ARHGAP29: variants seen among roughly 807,000 people sequenced by gnomAD.
ARHGAP29 encodes the protein Rho GTPase activating protein 29.
Under a neutral mutation model 122.6 loss-of-function variants are expected in ARHGAP29, and 43 were observed. The ratio of observed to expected loss-of-function variants is 0.35; its 90% CI spans 0.27 to 0.45. The LOEUF is 0.45. Among genes scored for constraint, ARHGAP29 ranks in the 20% least tolerant of loss-of-function variants. The pLI is 1.00. For missense variants in ARHGAP29, 1,303 were observed against 1,477.2 expected (o/e 0.88, Z 1.93); for synonymous variants, 506 against 497.1 (o/e 1.02, Z -0.24).
rs1206104193 is a variant in ARHGAP29 at position 94,170,638 on chromosome 1, C to T, written c.*3231G>A. 6.6e-6 allele frequency among the ~76,000 whole-genome samples: 1 copy of T among 152,146 alleles called. No individual in the cohort carries two copies. The highest frequency in any genetic ancestry group is 2.4e-5 in the African/African-American group (1 of 41,412). On this transcript the variant is annotated 3_prime_UTR_variant, in exon 23 of 23. Coordinates refer to ENST00000260526, the MANE Select transcript of ARHGAP29 (RefSeq NM_004815.4). ...AATGCCCTTGTCTTAAGGAAACACA[C>T]AGTAGATAGAGGTAATAATGCAAAA...
chr1:94,173,726 G>T lies in ARHGAP29; in HGVS notation c.*143C>A. On this transcript the variant is annotated 3_prime_UTR_variant, in exon 23 of 23. Transcript: ENST00000260526. ...TCTACCATTCAGTATTACCAACAGA[G>T]GATAAATACAACAACAAAAGGCAAA... is the stretch of plus-strand genomic sequence containing the variant. The T allele has an allele frequency of 1.0e-6, 1 of 958,852 alleles. No homozygotes were observed. The highest frequency in any genetic ancestry group is 1.6e-5 in the African/African-American group (1 of 61,026). The allele number at this position is 958,852 out of a possible 1,614,324, so 59.4% of individuals were successfully genotyped here. A position where few individuals can be genotyped will look rare whatever the true frequency, so the allele number is the denominator to read the frequency against.
At chr1:94,253,652 G>A (rs1654207310) in intron 1 of ARHGAP29, among the ~76,000 whole-genome samples, 1 of 151,474 alleles carries the variant, frequency 6.6e-6, no homozygotes, top group Non-Finnish European at 1.5e-5. Context: ...ACGCACGCAC[G>A]CACGCACGCA....
chr1:94,197,623 T>C (rs766382665), intron 12 of ARHGAP29, among the ~76,000 whole-genome samples: 16 of 152,226 alleles, frequency 1.1e-4, no homozygotes, highest in Non-Finnish European at 1.6e-4. Context: ...AAGTAGCAAA[T>C]TGAATCCAGC....
intron 12 of ARHGAP29, among the ~76,000 whole-genome samples, chr1:94,200,083 C>T (rs1235406335): frequency 6.6e-6 from 1 of 152,094 alleles, no homozygotes; most frequent in African/African-American, 2.4e-5. Context: ...AGGTAAAGCA[C>T]TCTTAGGTAT....
At chr1:94,253,812 A>G (rs368677186) in intron 1 of ARHGAP29, among the ~76,000 whole-genome samples, 12 of 152,188 alleles carry the variant, frequency 7.9e-5, no homozygotes, top group African/African-American at 2.9e-4. Context: ...CAATGCTACT[A>G]CTAGTGACTT....
At chr1:94,179,376 A>G (rs754094680) in intron 20 of ARHGAP29, among the ~76,000 whole-genome samples, 39 of 152,204 alleles carry the variant, frequency 2.6e-4, no homozygotes, top group African/African-American at 9.4e-4. Context: ...TGGGCGGATC[A>G]TGAGGTCAGG....
At chr1:94,219,259 A>ACCCTGCACTTTTAAAGT (rs79344459) in intron 3 of ARHGAP29, among the ~76,000 whole-genome samples, 1 of 152,036 alleles carries the variant, frequency 6.6e-6, no homozygotes. Flanking sequence ...ACTTCTTAAA[A>ACCCTGCACTTTTAAAGT]TCCATGTCAC....
rs565404080 is a variant in ARHGAP29 at position 94,168,914 on chromosome 1, T to C, written c.*4955A>G. 6.6e-6 allele frequency among the ~76,000 whole-genome samples: 1 copy of C among 152,308 alleles called. No homozygotes were observed. Among genetic ancestry groups the C allele is most frequent in the South Asian group, 2.1e-4 (1 of 4,832 alleles). ...ACTTGTAACTCAGAAGCATAGCCAATTAGTCGTTTAATCTATTTTCTGAAC... is the reference window on the plus strand; with the variant it reads ...ACTTGTAACTCAGAAGCATAGCCAACTAGTCGTTTAATCTATTTTCTGAAC... On this transcript the variant is annotated 3_prime_UTR_variant, in exon 23 of 23. Transcript: ENST00000260526.
upstream of ARHGAP29, among the ~76,000 whole-genome samples, chr1:94,275,639 C>T (rs1487815500): frequency 6.6e-6 from 1 of 152,040 alleles, no homozygotes; most frequent in African/African-American, 2.4e-5. Flanking sequence ...TCTTCTTAGC[C>T]CCAGCGTTGG....
At chr1:94,257,730 A>G (rs922231057) in intron 1 of ARHGAP29, among the ~76,000 whole-genome samples, 2 of 152,006 alleles carry the variant, frequency 1.3e-5, no homozygotes, top group Admixed American at 1.3e-4. Flanking sequence ...GGAGAAGGAG[A>G]AGAAAAGCTT....
intron 13 of ARHGAP29, among the ~76,000 whole-genome samples, 162 bp downstream of exon 13, chr1:94,189,764 T>C (rs1334731821): frequency 3.9e-5 from 6 of 152,202 alleles, no homozygotes; most frequent in Non-Finnish European, 8.8e-5. Context: ...ATTACATCTA[T>C]TCTTTAAATA....
chr1:94,196,256 C>CTTTTTTTTTTTTT (rs917635883), intron 12 of ARHGAP29, among the ~76,000 whole-genome samples: 1 of 91,150 alleles, frequency 1.1e-5, no homozygotes, highest in Non-Finnish European at 1.9e-5. Context: ...CCGTGTTTTT[C>CTTTTTTTTTTTTT]TTTTTTTTTT....
Position 94,231,392 on chromosome 1 carries a change from A to G in ARHGAP29, c.205+15T>C. 1 of 1,603,740 alleles carries G rather than the reference A, an allele frequency of 6.2e-7. No homozygotes were observed. The highest frequency in any genetic ancestry group is 8.5e-7 in the Non-Finnish European group (1 of 1,171,222). On this transcript the variant is annotated intron_variant, in intron 2 of 22. Coordinates refer to ENST00000260526, the MANE Select transcript of ARHGAP29 (RefSeq NM_004815.4). ...CAAACTATCCAGCAAGAATGCTAATAGAAAAGTGACAAACCTGAAAATATG... is the reference window on the plus strand; with the variant it reads ...CAAACTATCCAGCAAGAATGCTAATGGAAAAGTGACAAACCTGAAAATATG...
At position 94,185,421 on chromosome 1, in the gene ARHGAP29, T is replaced by G. The variant is rs777788420; in HGVS notation, c.1841A>C (p.Lys614Thr). Residue 614 changes from lysine (K) to threonine (T), a missense_variant, in exon 17 of 23, where the codon AAG (lysine) becomes ACG (threonine). Coordinates refer to ENST00000260526, the MANE Select transcript of ARHGAP29 (RefSeq NM_004815.4). ...CGTGGGGGATCTCAATTTGCGAAAC[T>G]TGTGTGTGAGAGCTGCCTTTGACAT... ...TLMSKAALTH[K>T]FRKLRSPTKC... The G allele has an allele frequency of 4.3e-6, 7 of 1,612,826 alleles. No homozygotes were observed. The highest frequency in any genetic ancestry group is 5.1e-6 in the Non-Finnish European group (6 of 1,179,404).
chr1:94,300,057 A>G, the ARHGAP29 span, among the ~76,000 whole-genome samples: 1 of 152,194 alleles, frequency 6.6e-6, no homozygotes, highest in Admixed American at 6.5e-5. Flanking sequence ...TGTGCAGCAG[A>G]TTCCCTAAGG....
At chr1:94,299,208 A>G in the ARHGAP29 span, among the ~76,000 whole-genome samples, 1 of 152,348 alleles carries the variant, frequency 6.6e-6, no homozygotes, top group African/African-American at 2.4e-5. Flanking sequence ...TCAGTATGTC[A>G]GTAAAAGATA....
chr1:94,189,837 T>G, intron 13 of ARHGAP29, 89 bp downstream of exon 13: 1 of 1,319,380 alleles, frequency 7.6e-7, no homozygotes, highest in Non-Finnish European at 1.0e-6. Context: ...TTTTGTCAGT[T>G]AGAAAAGTCT....
At chr1:94,199,585 C>CT (rs1650707710) in intron 12 of ARHGAP29, among the ~76,000 whole-genome samples, 2 of 152,190 alleles carry the variant, frequency 1.3e-5, no homozygotes, top group Admixed American at 1.3e-4. Context: ...ACCTCCTTCT[C>CT]TAACTCTTAC....
chr1:94,314,324 T>C, the ARHGAP29 span, among the ~76,000 whole-genome samples: 1 of 152,166 alleles, frequency 6.6e-6, no homozygotes, highest in African/African-American at 2.4e-5. Context: ...CTCAGAGTCA[T>C]TGCATTAGGC....
Sources: allele counts gnomAD v4.1 joint callset (sites outside exome capture counted in the v4.1 genomes callset), GRCh38; gene constraint gnomAD v4.1.1; transcripts MANE v1.5; gene names NCBI Gene and HGNC (gene_info 2026-07-23, HGNC 2026-07-21).